Variants in PPP4R2 observed in about 807,000 individuals in gnomAD.
PPP4R2 encodes the protein serine/threonine-protein phosphatase 4 regulatory subunit 2.
Under a neutral mutation model 47.2 loss-of-function variants are expected in PPP4R2, and 13 were observed. That is an observed-to-expected ratio of 0.28 (90% CI 0.18 to 0.44). The LOEUF (loss-of-function observed/expected upper bound fraction) is 0.44, where lower values mean the gene tolerates loss of function less well. Among genes scored for constraint, PPP4R2 ranks in the 20% least tolerant of loss-of-function variants. The probability of loss-of-function intolerance (pLI) is 1.00; values close to 1 mark genes in which losing one functional copy is unlikely to be tolerated. For missense variants in PPP4R2, 421 were observed against 491.2 expected (o/e 0.86, Z 1.35); for synonymous variants, 151 against 163.3 (o/e 0.92, Z 0.57).
chr3:73,033,384 G>A (rs1009092241), intron 2 of PPP4R2, among the ~76,000 whole-genome samples: 1 of 152,138 alleles, frequency 6.6e-6, no homozygotes, highest in Non-Finnish European at 1.5e-5. Flanking sequence ...GAATTACACA[G>A]TTTTACTGCA....
chr3:73,012,726 T>C (rs981232938), intron 2 of PPP4R2, among the ~76,000 whole-genome samples: 1 of 152,216 alleles, frequency 6.6e-6, no homozygotes, highest in Non-Finnish European at 1.5e-5. Context: ...TTTTAGAGAT[T>C]GTTTTATTAG....
intron 2 of PPP4R2, among the ~76,000 whole-genome samples, chr3:73,041,826 G>C (rs974283996): frequency 6.6e-6 from 1 of 152,240 alleles, no homozygotes; most frequent in Non-Finnish European, 1.5e-5. Flanking sequence ...GAAAAGAAAA[G>C]ATGGATTTTC....
At chr3:73,005,780 C>T (rs746713348) in intron 2 of PPP4R2, among the ~76,000 whole-genome samples, 1 of 145,146 alleles carries the variant, frequency 6.9e-6, no homozygotes, top group Non-Finnish European at 1.5e-5. Context: ...TACAGTGAGC[C>T]GAGCTCACGT....
intron 2 of PPP4R2, among the ~76,000 whole-genome samples, chr3:73,044,166 T>A (rs1353835151): frequency 6.6e-6 from 1 of 152,174 alleles, no homozygotes; most frequent in Non-Finnish European, 1.5e-5. Flanking sequence ...GTTTTCACCT[T>A]TTGGGGATCT....
chr3:73,026,258 C>T (rs901775987), intron 2 of PPP4R2, among the ~76,000 whole-genome samples: 4 of 152,240 alleles, frequency 2.6e-5, no homozygotes, highest in Non-Finnish European at 4.4e-5. Flanking sequence ...CTAGTAAATT[C>T]GTACTGCCTC....
chr3:73,006,270 G>C (rs1300698260), intron 2 of PPP4R2, among the ~76,000 whole-genome samples: 4 of 147,816 alleles, frequency 2.7e-5, no homozygotes, highest in Non-Finnish European at 5.9e-5. Flanking sequence ...TATGATCTCG[G>C]CTCACTGCAA....
chr3:73,017,540 T>C (rs1339099244), intron 2 of PPP4R2, among the ~76,000 whole-genome samples: 1 of 152,168 alleles, frequency 6.6e-6, no homozygotes. Flanking sequence ...GAGTTAGATA[T>C]ATTGAGTCTA....
In PPP4R2 at chr3:72,997,085, C is replaced by T. The variant is rs781263707; in HGVS notation, c.34+14C>T. On this transcript the variant is annotated intron_variant, in intron 1 of 8. Coordinates refer to ENST00000356692, the MANE Select transcript of PPP4R2 (RefSeq NM_174907.4). Reference sequence around the variant, plus strand: ...AGGCGCTGAAAGGTGGGGGTAGCTGCCCCCTCTCCATTCCCCCTCACCTTC... The same window carrying T: ...AGGCGCTGAAAGGTGGGGGTAGCTGTCCCCTCTCCATTCCCCCTCACCTTC... 1.7e-4 allele frequency: 235 copies of T among 1,381,040 alleles called. No homozygotes were observed. Among genetic ancestry groups the T allele is most frequent in the Non-Finnish European group, 2.2e-4 (230 of 1,050,960 alleles). The allele number at this position is 1,381,040 out of a possible 1,614,324, so 85.5% of individuals were successfully genotyped here. A position where few individuals can be genotyped will look rare whatever the true frequency, so the allele number is the denominator to read the frequency against.
intron 2 of PPP4R2, among the ~76,000 whole-genome samples, chr3:73,008,180 T>G (rs545718521): frequency 2.8e-4 from 43 of 152,248 alleles, no homozygotes; most frequent in African/African-American, 9.6e-4. Context: ...TACTAAAATA[T>G]GAATTATCCA....
chr3:73,018,351 A>T (rs776424148), intron 2 of PPP4R2, among the ~76,000 whole-genome samples: 3 of 142,374 alleles, frequency 2.1e-5, no homozygotes, highest in Non-Finnish European at 4.7e-5. Flanking sequence ...TGGTATACAC[A>T]GGAGTCTTGG....
chr3:73,037,040 C>T (rs1441112602), intron 2 of PPP4R2, among the ~76,000 whole-genome samples: 2 of 152,036 alleles, frequency 1.3e-5, no homozygotes, highest in African/African-American at 2.4e-5. Flanking sequence ...TTTCAGTCTC[C>T]CTAAATTTAA....
At chr3:73,059,858 C>T (rs1702809179) in intron 4 of PPP4R2, among the ~76,000 whole-genome samples, 1 of 151,170 alleles carries the variant, frequency 6.6e-6, no homozygotes, top group Non-Finnish European at 1.5e-5. Context: ...TTGCTAGAAC[C>T]TGGGAGACGG....
chr3:73,050,140 G>A (rs1221513640), intron 3 of PPP4R2, among the ~76,000 whole-genome samples: 1 of 151,704 alleles, frequency 6.6e-6, no homozygotes, highest in African/African-American at 2.4e-5. Context: ...TTGTTTTGTA[G>A]TTTTAGTAGA....
chr3:73,047,086 T>C, intron 2 of PPP4R2, 100 bp from the exon 3 acceptor site: 1 of 641,978 alleles, frequency 1.6e-6, no homozygotes, highest in Non-Finnish European at 2.6e-6. Context: ...CATCTTAATT[T>C]TGTTAGTATT....
chr3:73,032,894 T>A (rs1490371735), intron 2 of PPP4R2, among the ~76,000 whole-genome samples: 1 of 152,206 alleles, frequency 6.6e-6, no homozygotes, highest in Non-Finnish European at 1.5e-5. Flanking sequence ...TTTAGTTGTT[T>A]ATATATCAAT....
intron 2 of PPP4R2, among the ~76,000 whole-genome samples, chr3:73,042,765 C>T (rs1702405202): frequency 6.6e-6 from 1 of 152,106 alleles, no homozygotes; most frequent in African/African-American, 2.4e-5. Flanking sequence ...TGAATGCCCT[C>T]CCCATATATA....
chr3:73,031,768 A>C (rs1325531432), intron 2 of PPP4R2, among the ~76,000 whole-genome samples: 1 of 152,140 alleles, frequency 6.6e-6, no homozygotes, highest in African/African-American at 2.4e-5. Flanking sequence ...AGTCTTCCTT[A>C]CTTAATGCCA....
At chr3:73,016,831 TTTTTA>T (rs1559551277) in intron 2 of PPP4R2, among the ~76,000 whole-genome samples, 3 of 112,330 alleles carry the variant, frequency 2.7e-5, no homozygotes, top group East Asian at 2.1e-4. Flanking sequence ...TTTTTTTTTT[TTTTTA>T]AATACAGAGT....
At chr3:73,064,785 T>C (rs1346614852) in intron 7 of PPP4R2, 67 bp from the exon 8 acceptor site, 2 of 1,344,426 alleles carry the variant, frequency 1.5e-6, no homozygotes, top group South Asian at 1.4e-5. Flanking sequence ...TATTTAACCT[T>C]AAAAATGGGG....
Sources: allele counts gnomAD v4.1 joint callset (sites outside exome capture counted in the v4.1 genomes callset), GRCh38; gene constraint gnomAD v4.1.1; transcripts MANE v1.5; gene names NCBI Gene and HGNC (gene_info 2026-07-23, HGNC 2026-07-21).